Variants in NDRG4 observed in about 807,000 individuals in gnomAD.
NDRG4 encodes protein NDRG4.
Under a neutral mutation model 55.8 loss-of-function variants are expected in NDRG4, and 38 were observed. That is an observed-to-expected ratio of 0.68 (90% CI 0.53 to 0.89). The LOEUF is 0.89. Among genes scored for constraint, NDRG4 ranks in the 40% least tolerant of loss-of-function variants. NDRG4 has a pLI of 0.00. For synonymous variants in NDRG4, 190 were observed against 182.7 expected (o/e 1.04, Z -0.32); for missense variants, 455 against 468.6 (o/e 0.97, Z 0.27).
At chr16:58,509,761 A>C (rs947894964) in intron 13 of NDRG4, among the ~76,000 whole-genome samples, 2 of 152,148 alleles carry the variant, frequency 1.3e-5, no homozygotes, top group Non-Finnish European at 2.9e-5. Flanking sequence ...ATGGCACCTG[A>C]GAAGGCCTTT....
intron 2 of NDRG4, 67 bp downstream of exon 2, chr16:58,503,970 A>G (rs1192177637): frequency 1.3e-6 from 2 of 1,515,384 alleles, no homozygotes; most frequent in Middle Eastern, 1.8e-4. Context: ...GAGGCCCCCC[A>G]CCCTCCCCAC....
intron 6 of NDRG4, 29 bp downstream of exon 6, chr16:58,506,502 G>A: frequency 2.1e-6 from 2 of 965,212 alleles, no homozygotes; most frequent in Non-Finnish European, 3.1e-6. Context: ...GGTGGGGTGG[G>A]TATACCTAGG....
At position 58,513,168 on chromosome 16, in the gene NDRG4, A is replaced by ATGTG. The variant is rs60858251; in HGVS notation, c.*1618_*1621dup. The ATGTG allele has an allele frequency of 0.079, 11,910 of 150,150 alleles. 591 individuals carry two copies. Among genetic ancestry groups the ATGTG allele is most frequent in the African/African-American group, 0.14 (5,573 of 40,528 alleles). 9.3% of individuals were successfully genotyped at this position (150,150 alleles called of 1,614,324 possible). On this transcript the variant is annotated 3_prime_UTR_variant, in exon 15 of 15. Coordinates refer to ENST00000570248, the MANE Select transcript of NDRG4 (RefSeq NM_001242835.2). Reference sequence around the variant, plus strand: ...GTATCTATAAATATCTATACATTATATGTGTGTGTGTGTGTGTGTGTGTGT... The same window carrying ATGTG: ...GTATCTATAAATATCTATACATTATATGTGTGTGTGTGTGTGTGTGTGTGTGTGT...
At chr16:58,483,358 G>A (rs2034694810) in intron 1 of NDRG4, among the ~76,000 whole-genome samples, 2 of 151,574 alleles carry the variant, frequency 1.3e-5, no homozygotes, top group Admixed American at 6.6e-5. Flanking sequence ...GAGTGCTCCT[G>A]TTTGCCTTTA....
At position 58,482,069 on chromosome 16, in the gene NDRG4, G is replaced by C. The variant is rs529633059; in HGVS notation, c.-23-5687G>C. ...GGATACACCAGGCCCACGGCGCCTG[G>C]GTGCAGAGGCCTGGACATGAGTCAC... On this transcript the variant is annotated intron_variant, in intron 1 of 15. Coordinates refer to the NDRG4 transcript ENST00000258187. 2.6e-5 allele frequency among the ~76,000 whole-genome samples: 4 copies of C among 152,248 alleles called. No homozygotes were observed. The East Asian group carries it at 7.7e-4, about 29-fold the overall frequency.
rs1204864194 is a variant in NDRG4 at position 58,510,654 on chromosome 16, T to TG, written c.876dup (p.Lys293GlufsTer86). 6.5e-7 allele frequency: 1 copy of TG among 1,535,960 alleles called. No individual in the cohort carries two copies. Among genetic ancestry groups the TG allele is most frequent in the East Asian group, 2.4e-5 (1 of 40,932 alleles). On this transcript the variant is annotated frameshift_variant, in exon 14 of 15. Transcript: ENST00000570248. LOFTEE classifies it high-confidence loss of function. The stretch of plus-strand genomic sequence containing the variant: ...CTGTCTTCTCTCTTAGTTGCGTACT[T>TG]GAAGGACCGAAGGCTGAGTGGAGGA...
At chr16:58,499,740 C>T (rs987777009), upstream of NDRG4, 2 of 198,486 alleles carry the variant, frequency 1.0e-5, no homozygotes, top group Admixed American at 1.1e-4. Context: ...GCTGTCTGGG[C>T]AGTGCCCATG....
intron 1 of NDRG4, 81 bp downstream of exon 1, chr16:58,500,350 C>T: frequency 6.7e-7 from 1 of 1,498,042 alleles, no homozygotes; most frequent in Non-Finnish European, 8.9e-7. Flanking sequence ...GGAAGTGCCC[C>T]CCTCAACCCA....
intron 5 of NDRG4, chr16:58,506,158 C>CG: frequency 4.7e-6 from 2 of 429,658 alleles, no homozygotes; most frequent in Admixed American, 5.9e-5. Flanking sequence ...GTGTGTGTGT[C>CG]TGTGTGTGTG....
upstream of NDRG4, among the ~76,000 whole-genome samples, chr16:58,496,609 C>T (rs560433028): frequency 3.3e-5 from 5 of 151,876 alleles, no homozygotes; most frequent in Non-Finnish European, 7.4e-5. Flanking sequence ...AGGTTCTGGC[C>T]CCGCCACTTC....
chr16:58,495,210 AAG>A (rs2036263111), upstream of NDRG4, among the ~76,000 whole-genome samples: 1 of 152,198 alleles, frequency 6.6e-6, no homozygotes, highest in African/African-American at 2.4e-5. Context: ...GAGAATGGAA[AAG>A]AGAGTGAGGG....
intron 13 of NDRG4, among the ~76,000 whole-genome samples, 181 bp from the exon 14 acceptor site, chr16:58,510,464 T>C (rs1175725850): frequency 6.6e-6 from 1 of 152,182 alleles, no homozygotes; most frequent in Non-Finnish European, 1.5e-5. Context: ...GGGCCACTGC[T>C]GGGTGGGCAG....
At chr16:58,501,091 A>T in intron 1 of NDRG4, 2 of 1,233,414 alleles carry the variant, frequency 1.6e-6, no homozygotes, top group South Asian at 4.0e-5. Flanking sequence ...CCCCGGCCCC[A>T]TTCTTCCTCA....
chr16:58,504,200 G>A lies in NDRG4; in HGVS notation c.174G>A (p.Glu58=). The A allele has an allele frequency of 1.2e-6, 2 of 1,614,210 alleles. No homozygotes were observed. The highest frequency in any genetic ancestry group is 2.2e-5 in the South Asian group (2 of 91,080). ...NTFFNFEDMQ[E]ITKHFVVCHV... ...TCTTCAACTTCGAGGACATGCAGGA[G>A]ATCACCAAGCACTTTGTGGTGTGTC... The change falls in exon 3 of 15, where the codon GAG becomes GAA. Residue 58 remains glutamate, a synonymous_variant. Transcript: ENST00000570248.
upstream of NDRG4, among the ~76,000 whole-genome samples, chr16:58,495,731 T>C (rs1398478548): frequency 1.3e-5 from 2 of 152,202 alleles, no homozygotes; most frequent in African/African-American, 4.8e-5. Context: ...AGTGTGAGAA[T>C]CTGGGCCTGT....
intron 2 of NDRG4, among the ~76,000 whole-genome samples, chr16:58,492,378 A>G (rs936716233): frequency 6.6e-6 from 1 of 151,790 alleles, no homozygotes; most frequent in African/African-American, 2.4e-5. Context: ...ATGGGCTTCT[A>G]TTCTTCCTGC....
intron 2 of NDRG4, among the ~76,000 whole-genome samples, chr16:58,488,332 C>T (rs1555531084): frequency 6.6e-6 from 1 of 152,210 alleles, no homozygotes; most frequent in Non-Finnish European, 1.5e-5. Context: ...AGAGGCATCA[C>T]AGGTTATGAT....
chr16:58,489,824 G>T (rs1365948667), intron 2 of NDRG4, among the ~76,000 whole-genome samples: 3 of 152,004 alleles, frequency 2.0e-5, no homozygotes. Context: ...CTTTCTTTCT[G>T]TCTTTTCCTT....
intron 2 of NDRG4, among the ~76,000 whole-genome samples, chr16:58,489,208 T>G (rs2035484020): frequency 6.6e-6 from 1 of 152,024 alleles, no homozygotes. Flanking sequence ...GCAGAATCGC[T>G]TGAACCCGGG....
Sources: gnomAD v4.1 joint callset for allele counts (sites outside exome capture counted in the v4.1 genomes callset) on GRCh38, gnomAD v4.1.1 for gene constraint, MANE v1.5 for transcripts, NCBI Gene and HGNC (gene_info 2026-07-23, HGNC 2026-07-21) for gene names.